The following RASGRP4 variants were observed in gnomAD, a reference collection of about 807,000 sequenced individuals.
RASGRP4 encodes RAS guanyl releasing protein 4.
A neutral mutation model predicts 84.4 loss-of-function variants in RASGRP4; 52 were observed. The ratio of observed to expected loss-of-function variants is 0.62; its 90% CI spans 0.49 to 0.78. The LOEUF is 0.78. RASGRP4 is among the 30% of genes least tolerant of loss of function. The pLI, the probability that RASGRP4 is intolerant of heterozygous loss-of-function variation, is 0.00. For missense variants in RASGRP4, 760 were observed against 886.9 expected (o/e 0.86, Z 1.82); for synonymous variants, 356 against 359.1 (o/e 0.99, Z 0.10).
At chr19:38,423,216 C>T (rs1418002638) in intron 1 of RASGRP4, among the ~76,000 whole-genome samples, 2 of 152,214 alleles carry the variant, frequency 1.3e-5, no homozygotes, top group Non-Finnish European at 2.9e-5. Flanking sequence ...TCCTTCCTCC[C>T]ACAGCCCTCA....
chr19:38,419,736 A>T, intron 6 of RASGRP4, 124 bp downstream of exon 6: 1 of 1,014,224 alleles, frequency 9.9e-7, no homozygotes, highest in Non-Finnish European at 1.4e-6. Flanking sequence ...GTTTGAGTTT[A>T]AGACTTTGAG....
At chr19:38,411,620 A>G (rs1971260492) in intron 13 of RASGRP4, 2 of 517,400 alleles carry the variant, frequency 3.9e-6, no homozygotes, top group Non-Finnish European at 6.9e-6. Flanking sequence ...GCTTGAGCTC[A>G]GGATTGGAGG....
At position 38,412,440 on chromosome 19, in the gene RASGRP4, G is replaced by A. The variant is rs2145197319; in HGVS notation, c.1680+232C>T. The A allele has an allele frequency of 5.5e-6, 3 of 543,156 alleles. No homozygotes were observed. The South Asian group carries it at 6.5e-5, about 12-fold the overall frequency. The allele number at this position is 543,156 out of a possible 1,614,324, so 33.6% of individuals were successfully genotyped here. On this transcript the variant is annotated intron_variant, in intron 13 of 16. Transcript: ENST00000615439. The surrounding 1 kb of genome is among the most constrained non-coding windows in gnomAD (Gnocchi z 4.6). ...CCTGGCCTCCTATCTAGAGTTTTAG[G>A]TATTATCCATGGTTCAGCAATTGTC...
In RASGRP4 at chr19:38,426,189, G is replaced by A. The variant is rs1971988378; in HGVS notation, c.-98C>T. 9.9e-7 allele frequency: 1 copy of A among 1,010,482 alleles called. No individual in the cohort carries two copies. The highest frequency in any genetic ancestry group is 3.2e-5 in the East Asian group (1 of 30,846). 62.6% of individuals were successfully genotyped at this position (1,010,482 alleles called of 1,614,324 possible). A position where few individuals can be genotyped will look rare whatever the true frequency, so the allele number is the denominator to read the frequency against. On this transcript the variant is annotated 5_prime_UTR_variant, in exon 1 of 17. Coordinates refer to ENST00000615439, the MANE Select transcript of RASGRP4 (RefSeq NM_170604.3). ...CCAGCTTCTCAGCCCCTAGGGAGCT[G>A]GGGCCTCCTCGGTGCTTGGGAAGGA...
At position 38,417,842 on chromosome 19, in the gene RASGRP4, G is replaced by C. The variant is rs548678012; in HGVS notation, c.837+549C>G. On this transcript the variant is annotated intron_variant, in intron 7 of 16. Coordinates refer to ENST00000615439, the MANE Select transcript of RASGRP4 (RefSeq NM_170604.3). This position sits in a 1 kb window ranked among gnomAD's most constrained non-coding sequence, Gnocchi z 5.1. ...AAGCAAGCCAGGGAAGACACCAGAGGAAGGGCGTGGTCTGCGTGGAAATAC... is the reference window on the plus strand; with the variant it reads ...AAGCAAGCCAGGGAAGACACCAGAGCAAGGGCGTGGTCTGCGTGGAAATAC... Among the ~76,000 whole-genome samples the C allele has an allele frequency of 1.3e-5, 2 of 152,214 alleles. No individual in the cohort carries two copies. The highest frequency in any genetic ancestry group is 2.9e-5 in the Non-Finnish European group (2 of 68,032).
Position 38,414,838 on chromosome 19 carries a change from G to C in RASGRP4, c.1230+10C>G. The C allele has an allele frequency of 6.3e-7, 1 of 1,577,006 alleles. No individual in the cohort carries two copies. The highest frequency in any genetic ancestry group is 8.6e-7 in the Non-Finnish European group (1 of 1,160,782). The stretch of plus-strand genomic sequence containing the variant: ...GGAAGCCCAGCCTGGGCGGGGCCAG[G>C]GGGGCTCACCGTGAGCAGGTGCAGC... On this transcript the variant is annotated intron_variant, in intron 9 of 16. Coordinates refer to ENST00000615439, the MANE Select transcript of RASGRP4 (RefSeq NM_170604.3).
At chr19:38,410,862 G>T in intron 16 of RASGRP4, 24 bp downstream of exon 16, 2 of 1,521,718 alleles carry the variant, frequency 1.3e-6, no homozygotes, top group Non-Finnish European at 9.0e-7. Flanking sequence ...TATCCACTTG[G>T]GGGTAGGGGC....
chr19:38,415,171 C>A, intron 8 of RASGRP4, 48 bp from the exon 9 acceptor site: 2 of 1,498,798 alleles, frequency 1.3e-6, no homozygotes, highest in Non-Finnish European at 1.8e-6. Flanking sequence ...ACAGTCCCAT[C>A]CCCTGAGCAG....
chr19:38,421,304 G>A (rs1971740209), intron 2 of RASGRP4, 104 bp from the exon 3 acceptor site: 5 of 807,186 alleles, frequency 6.2e-6, no homozygotes, highest in African/African-American at 3.3e-5. Context: ...CAGCTCTAAC[G>A]GTGATCCCCA....
chr19:38,410,959 G>A lies in RASGRP4; in HGVS notation c.1892C>T (p.Pro631Leu). Reference protein sequence around the residue: ...ENHSYTLSLEPETGCQLRHAW... With the variant: ...ENHSYTLSLELETGCQLRHAW... ...ATGGCGAAGCTGGCACCCAGTCTCA[G>A]GCTCCAGGGATAGCGTGTAGGAGTG... is the stretch of plus-strand genomic sequence containing the variant. Residue 631 changes from proline (P) to leucine (L), a missense_variant, in exon 16 of 17, where the codon CCT becomes CTT. By Grantham distance (98) the Pro-to-Leu change is moderately conservative. Transcript: ENST00000615439. The A allele has an allele frequency of 6.2e-7, 1 of 1,603,238 alleles. No homozygotes were observed.
At chr19:38,424,282 G>A (rs763966084) in intron 1 of RASGRP4, among the ~76,000 whole-genome samples, 2 of 152,022 alleles carry the variant, frequency 1.3e-5, no homozygotes, top group Non-Finnish European at 2.9e-5. Context: ...ACCACGCCGA[G>A]CTAATTTTTG....
chr19:38,410,341 A>G (rs1384907420), intron 16 of RASGRP4, among the ~76,000 whole-genome samples: 1 of 151,922 alleles, frequency 6.6e-6, no homozygotes, highest in East Asian at 1.9e-4. Context: ...CTTATTGGCT[A>G]GAATCCTTTT....
At chr19:38,411,276 G>A (rs372909217) in intron 14 of RASGRP4, 27 bp from the exon 15 acceptor site, 293 of 1,613,258 alleles carry the variant, frequency 1.8e-4, no homozygotes, top group Non-Finnish European at 2.3e-4. Flanking sequence ...GCAGGGGTCC[G>A]ATCTGTGTCA....
intron 1 of RASGRP4, among the ~76,000 whole-genome samples, chr19:38,425,196 CA>C (rs537638920): frequency 4.8e-4 from 62 of 130,486 alleles, no homozygotes; most frequent in Middle Eastern, 4.0e-3. Flanking sequence ...AAAAAAAAAA[CA>C]AAAAAAAAAA....
At chr19:38,420,366 C>A in intron 4 of RASGRP4, 104 bp from the exon 5 acceptor site, 1 of 1,313,256 alleles carries the variant, frequency 7.6e-7, no homozygotes, top group African/African-American at 1.5e-5. Flanking sequence ...TAGGGGGTCT[C>A]TAAATGTGTG....
Position 38,412,706 on chromosome 19 carries a change from C to T in RASGRP4, c.1646G>A (p.Arg549Gln), listed in dbSNP as rs762382897. The part of the protein sequence containing the change: ...FLHTFHEVTF[R>Q]KPTFCDSCSG... Reference sequence around the variant, plus strand: ...GCAGCTGTCGCAGAAGGTAGGCTTTCGGAAGGTGACCTCATGGAAGGTGTG... The same window carrying T: ...GCAGCTGTCGCAGAAGGTAGGCTTTTGGAAGGTGACCTCATGGAAGGTGTG... Residue 549 changes from arginine (R) to glutamine (Q), a missense_variant, in exon 13 of 17, where the codon CGA becomes CAA. Coordinates refer to ENST00000615439, the MANE Select transcript of RASGRP4 (RefSeq NM_170604.3). This position sits in a 1 kb window ranked among gnomAD's most constrained non-coding sequence, Gnocchi z 4.6. The T allele has an allele frequency of 9.3e-6, 15 of 1,613,038 alleles. No homozygotes were observed. The highest frequency in any genetic ancestry group is 2.7e-5 in the African/African-American group (2 of 74,890).
chr19:38,420,459 A>G (rs1312277207), intron 4 of RASGRP4, among the ~76,000 whole-genome samples, 197 bp from the exon 5 acceptor site: 2 of 147,354 alleles, frequency 1.4e-5, no homozygotes, highest in African/African-American at 5.1e-5. Flanking sequence ...CTTAACAGAG[A>G]CTGGGGGGAT....
In RASGRP4 at chr19:38,412,874, G is replaced by A; in HGVS notation, c.1535+57C>T. The A allele has an allele frequency of 1.2e-6, 2 of 1,613,062 alleles. No homozygotes were observed. Among genetic ancestry groups the A allele is most frequent in the Non-Finnish European group, 1.7e-6 (2 of 1,179,200 alleles). On this transcript the variant is annotated intron_variant, in intron 12 of 16. Coordinates refer to ENST00000615439, the MANE Select transcript of RASGRP4 (RefSeq NM_170604.3). The surrounding 1 kb of genome is among the most constrained non-coding windows in gnomAD (Gnocchi z 4.6). ...GCCCCAACGTCCTCCAGACCCAGGAGTCCAGGCAACCCCAGTGTCCTCATC... is the reference window on the plus strand; with the variant it reads ...GCCCCAACGTCCTCCAGACCCAGGAATCCAGGCAACCCCAGTGTCCTCATC...
rs372659552 is a variant in RASGRP4, at chr19:38,415,833, C to T, written c.955-710G>A. 4.6e-3 allele frequency among the ~76,000 whole-genome samples: 683 copies of T among 149,990 alleles called. 5 individuals carry two copies. The highest frequency in any genetic ancestry group is 0.016 in the African/African-American group (658 of 40,912). On this transcript the variant is annotated intron_variant, in intron 8 of 16. Transcript: ENST00000615439. Reference sequence around the variant, plus strand: ...CAGCATTTTGAGAGGCCGAGGCAGGCGGATCATCTGAGGTCAGGAGTTCGA... The same window carrying T: ...CAGCATTTTGAGAGGCCGAGGCAGGTGGATCATCTGAGGTCAGGAGTTCGA...
Sources: gnomAD v4.1 joint callset for allele counts (sites outside exome capture counted in the v4.1 genomes callset) on GRCh38, gnomAD v4.1.1 for gene constraint, Gnocchi (gnomAD v3.1) non-coding constraint, MANE v1.5 for transcripts, NCBI Gene and HGNC (gene_info 2026-07-23, HGNC 2026-07-21) for gene names.